KSR2: variants seen among roughly 807,000 people sequenced by gnomAD.
KSR2 encodes kinase suppressor of ras 2.
In KSR2, 25 loss-of-function variants were observed where a neutral mutation model predicts 107.8. The observed-to-expected ratio is 0.23, with a 90% CI of 0.17 to 0.32. The LOEUF is 0.32. Ranked by LOEUF, KSR2 falls within the 10% of genes least tolerant of loss-of-function variation. KSR2 has a pLI of 1.00. For missense variants in KSR2, 887 were observed against 1,268.9 expected (o/e 0.70, Z 4.57); for synonymous variants, 480 against 507.0 (o/e 0.95, Z 0.71).
intron 1 of KSR2, among the ~76,000 whole-genome samples, chr12:117,963,120 G>A (rs1341675052): frequency 6.6e-6 from 1 of 151,922 alleles, no homozygotes; most frequent in African/African-American, 2.4e-5. Flanking sequence ...AAACTGGGAA[G>A]CGGAGGTTGC....
chr12:117,693,666 T>C (rs2136583750), intron 4 of KSR2, among the ~76,000 whole-genome samples: 1 of 152,310 alleles, frequency 6.6e-6, no homozygotes, highest in African/African-American at 2.4e-5. Flanking sequence ...AAATACCTCC[T>C]TTCCATAATA....
chr12:117,632,972 C>T (rs1219488071), intron 5 of KSR2, among the ~76,000 whole-genome samples: 1 of 152,160 alleles, frequency 6.6e-6, no homozygotes, highest in African/African-American at 2.4e-5. Context: ...CATGTCTTTG[C>T]TATTGTGAAT....
intron 14 of KSR2, among the ~76,000 whole-genome samples, chr12:117,505,728 C>T (rs1873640871): frequency 6.6e-6 from 1 of 152,198 alleles, no homozygotes. Context: ...ACCATTTGCT[C>T]CAACTCAATT....
chr12:117,793,589 G>A (rs1002611874), intron 3 of KSR2, among the ~76,000 whole-genome samples: 6 of 127,460 alleles, frequency 4.7e-5, no homozygotes, highest in African/African-American at 2.0e-4. Context: ...ACACCAATAT[G>A]CACACATACA....
intron 5 of KSR2, among the ~76,000 whole-genome samples, chr12:117,636,894 G>A (rs1056941880): frequency 1.4e-5 from 2 of 146,204 alleles, no homozygotes; most frequent in Non-Finnish European, 3.0e-5. Flanking sequence ...GCAGACATTT[G>A]CCACATATAT....
intron 5 of KSR2, among the ~76,000 whole-genome samples, chr12:117,658,140 A>T (rs1174291023): frequency 6.6e-6 from 1 of 152,232 alleles, no homozygotes; most frequent in African/African-American, 2.4e-5. Context: ...AGAGAGAAAA[A>T]TGAAGCTAGA....
At chr12:117,758,262 C>T (rs1214387320) in intron 4 of KSR2, among the ~76,000 whole-genome samples, 7 of 152,174 alleles carry the variant, frequency 4.6e-5, no homozygotes, top group Non-Finnish European at 8.8e-5. Context: ...CCTCAACTAA[C>T]GCCTCCTTTA....
chr12:117,795,995 C>T (rs1890613960), intron 3 of KSR2, among the ~76,000 whole-genome samples: 1 of 152,230 alleles, frequency 6.6e-6, no homozygotes, highest in Non-Finnish European at 1.5e-5. Context: ...GGTATGAACA[C>T]AGCTCATTGC....
intron 3 of KSR2, among the ~76,000 whole-genome samples, chr12:117,854,394 G>A (rs556784339): frequency 1.8e-4 from 27 of 152,296 alleles, no homozygotes; most frequent in Non-Finnish European, 2.8e-4. Flanking sequence ...GGACTGGGCC[G>A]ATGACCTGTT....
At chr12:117,591,071 C>A (rs1880284795) in intron 5 of KSR2, among the ~76,000 whole-genome samples, 1 of 152,100 alleles carries the variant, frequency 6.6e-6, no homozygotes, top group Admixed American at 6.5e-5. Flanking sequence ...CCCCGTTTTG[C>A]AGAAGAGAAG....
chr12:117,609,420 C>T (rs73211935), intron 5 of KSR2, among the ~76,000 whole-genome samples: 3,705 of 152,332 alleles, frequency 0.024, 68 homozygotes, highest in Non-Finnish European at 0.039. Flanking sequence ...AGCTAACTTA[C>T]GGCACCAAGG....
chr12:117,658,797 C>T (rs1015196456), intron 5 of KSR2, among the ~76,000 whole-genome samples: 1 of 152,156 alleles, frequency 6.6e-6, no homozygotes, highest in Non-Finnish European at 1.5e-5. Context: ...AACCCAACCC[C>T]CCTGCAGCGC....
At chr12:117,770,300 G>A (rs1157250048) in intron 3 of KSR2, among the ~76,000 whole-genome samples, 13 of 152,122 alleles carry the variant, frequency 8.5e-5, no homozygotes, top group East Asian at 3.9e-4. Flanking sequence ...AGAGGAGAAC[G>A]TCATGTGAAG....
chr12:117,673,905 G>A (rs1342007433), intron 4 of KSR2, among the ~76,000 whole-genome samples: 1 of 152,170 alleles, frequency 6.6e-6, no homozygotes, highest in East Asian at 1.9e-4. Flanking sequence ...ATTAGAAAGG[G>A]AAGCCAAATC....
chr12:117,801,043 C>T (rs1001717608), intron 3 of KSR2, among the ~76,000 whole-genome samples: 5 of 152,104 alleles, frequency 3.3e-5, no homozygotes, highest in South Asian at 2.1e-4. Context: ...TTGTAAATAG[C>T]GCTGCAATAA....
chr12:117,830,017 C>T (rs1009057391), intron 3 of KSR2, among the ~76,000 whole-genome samples: 9 of 152,140 alleles, frequency 5.9e-5, no homozygotes, highest in Admixed American at 3.3e-4. Context: ...TCTGTAATCC[C>T]AGCACTCTGG....
chr12:117,720,962 G>A (rs1432498191), intron 4 of KSR2, among the ~76,000 whole-genome samples: 1 of 152,204 alleles, frequency 6.6e-6, no homozygotes, highest in Non-Finnish European at 1.5e-5. Flanking sequence ...AAAGATGACA[G>A]TGACAGGTAT....
chr12:117,631,866 A>T (rs556599545), intron 5 of KSR2, among the ~76,000 whole-genome samples: 1 of 152,360 alleles, frequency 6.6e-6, no homozygotes, highest in African/African-American at 2.4e-5. Flanking sequence ...TGCAAAGCAT[A>T]GAGTCCCCAT....
At chr12:117,659,573 C>T (rs1391932700) in intron 5 of KSR2, among the ~76,000 whole-genome samples, 1 of 152,222 alleles carries the variant, frequency 6.6e-6, no homozygotes, top group Admixed American at 6.5e-5. Flanking sequence ...TGCTGTTCTG[C>T]AACCCTCTTG....
Sources: allele counts gnomAD v4.1 joint callset (sites outside exome capture counted in the v4.1 genomes callset), GRCh38; gene constraint gnomAD v4.1.1; transcripts MANE v1.5; gene names NCBI Gene and HGNC (gene_info 2026-07-23, HGNC 2026-07-21).